MYT1L: variants seen among roughly 807,000 people sequenced by gnomAD.
MYT1L encodes myelin transcription factor 1-like protein.
Under a neutral mutation model 126.7 loss-of-function variants are expected in MYT1L, and 12 were observed. The observed-to-expected ratio is 0.09, with a 90% CI of 0.06 to 0.15. The LOEUF (loss-of-function observed/expected upper bound fraction) is 0.15. Ranked by LOEUF, MYT1L falls within the 10% of genes least tolerant of loss-of-function variation. The pLI, the probability that MYT1L is intolerant of heterozygous loss-of-function variation, is 1.00. For missense variants in MYT1L, 979 were observed against 1,585.2 expected (o/e 0.62, Z 6.49); for synonymous variants, 541 against 604.2 (o/e 0.90, Z 1.53).
chr2:2,060,190 G>T (rs1353397522), intron 3 of MYT1L, among the ~76,000 whole-genome samples: 1 of 152,192 alleles, frequency 6.6e-6, no homozygotes, highest in African/African-American at 2.4e-5. Flanking sequence ...CTGCTCTTCA[G>T]TTTGGGACTG....
chr2:2,127,580 G>C (rs1216512403), intron 3 of MYT1L, among the ~76,000 whole-genome samples: 1 of 152,172 alleles, frequency 6.6e-6, no homozygotes, highest in Non-Finnish European at 1.5e-5. Context: ...CTCCCGGTAA[G>C]CAGCTGCTCT....
At chr2:1,907,737 G>A (rs1047989140) in intron 13 of MYT1L, among the ~76,000 whole-genome samples, 7 of 152,256 alleles carry the variant, frequency 4.6e-5, no homozygotes, top group Admixed American at 1.3e-4. Flanking sequence ...ATGACTGTAG[G>A]TTTAACTTCA....
rs917202523 is a variant in MYT1L at position 1,849,885 on chromosome 2, C to T, written c.2774+1756G>A. On this transcript the variant is annotated intron_variant, in intron 19 of 24. Coordinates refer to ENST00000647738, the MANE Select transcript of MYT1L (RefSeq NM_001303052.2). ...AGATTTTAATGACAAAACAATCATC[C>T]TGTGAGTTCTGTTTCTAATCCAAAA... 3.9e-5 allele frequency among the ~76,000 whole-genome samples: 6 copies of T among 152,146 alleles called. No homozygotes were observed. In the East Asian group the frequency reaches 1.2e-3, roughly 29 times the overall value.
chr2:1,934,307 TACAACCTC>T (rs2055522973), intron 9 of MYT1L, among the ~76,000 whole-genome samples: 11 of 132,022 alleles, frequency 8.3e-5, no homozygotes, highest in East Asian at 2.6e-4. Context: ...TATATATATA[TACAACCTC>T]ATATATGTAA....
At chr2:1,817,766 G>A (rs2037909510) in intron 21 of MYT1L, among the ~76,000 whole-genome samples, 1 of 152,182 alleles carries the variant, frequency 6.6e-6, no homozygotes, top group African/African-American at 2.4e-5. Context: ...CAGCCAAGGA[G>A]GTCAGCCCAC....
In MYT1L at chr2:2,167,277, G is replaced by A. The variant is rs536995092; in HGVS notation, c.-304+5595C>T. Among the ~76,000 whole-genome samples, 3 of 152,302 alleles carry A rather than the reference G, an allele frequency of 2.0e-5. No individual in the cohort carries two copies. The East Asian group carries it at 5.8e-4, about 29-fold the overall frequency. The stretch of plus-strand genomic sequence containing the variant: ...TTGTATATGTTTTCAAAGCTGTACT[G>A]TGAAGCCTTTTTGCTCTTCTCCTCT... On this transcript the variant is annotated intron_variant, in intron 3 of 24. Transcript: ENST00000647738.
intron 2 of MYT1L, among the ~76,000 whole-genome samples, chr2:2,201,558 C>A (rs1264285082): frequency 1.3e-5 from 2 of 151,998 alleles, no homozygotes; most frequent in East Asian, 3.9e-4. Context: ...ATTAGCTGGG[C>A]GTGGTGGCAG....
intron 3 of MYT1L, among the ~76,000 whole-genome samples, chr2:2,165,389 ACAC>A (rs1371900793): frequency 6.6e-6 from 1 of 152,134 alleles, no homozygotes; most frequent in Non-Finnish European, 1.5e-5. Context: ...CACATGCCAC[ACAC>A]ATTTTCCTGA....
At chr2:2,173,298 A>T (rs1453572834) in intron 2 of MYT1L, among the ~76,000 whole-genome samples, 5 of 152,256 alleles carry the variant, frequency 3.3e-5, no homozygotes, top group Admixed American at 6.5e-5. Context: ...TTGAGCCATT[A>T]CTGGCCCATT....
intron 19 of MYT1L, among the ~76,000 whole-genome samples, chr2:1,845,461 T>A (rs1046233935): frequency 2.6e-5 from 4 of 152,144 alleles, no homozygotes; most frequent in African/African-American, 9.7e-5. Flanking sequence ...CCTGGTGGGC[T>A]TCTTTATACC....
At chr2:2,269,813 G>C (rs1250697815) in intron 2 of MYT1L, among the ~76,000 whole-genome samples, 2 of 152,080 alleles carry the variant, frequency 1.3e-5, no homozygotes, top group African/African-American at 2.4e-5. Flanking sequence ...AATCACAGTG[G>C]GTCCATTTGC....
At position 1,917,695 on chromosome 2, in the gene MYT1L, T is replaced by C. The variant is rs142596175; in HGVS notation, c.1484-356A>G. ...ACAGTGACCTTCTTAGAGAACGAAA[T>C]TCTGTGCCATCATCATTCAGCAATT... On this transcript the variant is annotated intron_variant, in intron 10 of 24. Coordinates refer to ENST00000647738, the MANE Select transcript of MYT1L (RefSeq NM_001303052.2). The surrounding 1 kb of genome is among the most constrained non-coding windows in gnomAD (Gnocchi z 5.9). Among the ~76,000 whole-genome samples the C allele has an allele frequency of 9.2e-5, 14 of 152,286 alleles. No individual in the cohort carries two copies. The East Asian group carries it at 2.7e-3, about 29-fold the overall frequency.
At position 1,886,624 on chromosome 2, in the gene MYT1L, G is replaced by T; in HGVS notation, c.2643-17C>A. The T allele has an allele frequency of 6.5e-7, 1 of 1,536,760 alleles. No homozygotes were observed. The highest frequency in any genetic ancestry group is 1.3e-5 in the South Asian group (1 of 78,324). ...CCAGACAGACTGTAAGACAGGCCGGGACAGGCAGGTCAGTCAACTGCGAAG... is the reference window on the plus strand; with the variant it reads ...CCAGACAGACTGTAAGACAGGCCGGTACAGGCAGGTCAGTCAACTGCGAAG... On this transcript the variant is annotated splice_polypyrimidine_tract_variant and intron_variant, in intron 17 of 24. Transcript: ENST00000647738.
At position 2,312,589 on chromosome 2, in the gene MYT1L, G is replaced by A. The variant is rs369154294; in HGVS notation, c.-521+18378C>T. On this transcript the variant is annotated intron_variant, in intron 1 of 24. Transcript: ENST00000647738. ...GATTGCACCATGGCACTCCAGCCTG[G>A]GTGACAGAGTGAGAAAAAAAAGAAT... 2.6e-5 allele frequency among the ~76,000 whole-genome samples: 4 copies of A among 152,146 alleles called. No homozygotes were observed. In the East Asian group the frequency reaches 5.8e-4, roughly 22 times the overall value.
chr2:2,246,561 G>C (rs1317592440), intron 2 of MYT1L, among the ~76,000 whole-genome samples: 2 of 152,184 alleles, frequency 1.3e-5, no homozygotes, highest in Non-Finnish European at 2.9e-5. Flanking sequence ...CCTGCCTTCA[G>C]ACAGCTCTGG....
intron 8 of MYT1L, among the ~76,000 whole-genome samples, chr2:1,953,989 C>T (rs773873223): frequency 6.6e-6 from 1 of 152,168 alleles, no homozygotes; most frequent in Non-Finnish European, 1.5e-5. Flanking sequence ...AGAAGGTTGA[C>T]GGGGCTCCCT....
intron 5 of MYT1L, among the ~76,000 whole-genome samples, chr2:1,995,255 G>A (rs1247202444): frequency 6.6e-6 from 1 of 152,112 alleles, no homozygotes; most frequent in Admixed American, 6.5e-5. Flanking sequence ...TAGCATGTGT[G>A]GAAGAACCCG....
At chr2:1,916,982 G>A (rs2052933373) in intron 11 of MYT1L, among the ~76,000 whole-genome samples, 3 of 152,232 alleles carry the variant, frequency 2.0e-5, no homozygotes, top group Admixed American at 2.0e-4. Context: ...CTGTGCAGGA[G>A]CTTTGTTAGG....
chr2:2,056,795 G>A (rs1337918455), intron 3 of MYT1L, among the ~76,000 whole-genome samples: 12 of 152,206 alleles, frequency 7.9e-5, no homozygotes, highest in Admixed American at 7.9e-4. Flanking sequence ...GAAGCTCCTT[G>A]GGGCTCTCAG....
Sources: allele counts gnomAD v4.1 joint callset (sites outside exome capture counted in the v4.1 genomes callset), GRCh38; gene constraint gnomAD v4.1.1; non-coding constraint Gnocchi (gnomAD v3.1); transcripts MANE v1.5; gene names NCBI Gene and HGNC (gene_info 2026-07-23, HGNC 2026-07-21).